PRKN: variants seen among roughly 807,000 people sequenced by gnomAD.
PRKN encodes the protein parkin RBR E3 ubiquitin protein ligase, also known as E3 ubiquitin-protein ligase parkin.
PRKN carries 56 observed loss-of-function variants against 59.5 expected under a neutral mutation model. The observed-to-expected ratio is 0.94, with a 90% CI of 0.76 to 1.18. PRKN has a LOEUF of 1.18. Ranked by LOEUF, PRKN falls within the 50% of genes most tolerant of loss-of-function variation. The pLI is 0.00. For missense variants in PRKN, 657 were observed against 596.4 expected (o/e 1.10, Z -1.06); for synonymous variants, 250 against 222.1 (o/e 1.13, Z -1.12).
Position 161,772,166 on chromosome 6 carries a change from A to AT in PRKN, c.871+13605dup, listed in dbSNP as rs576819684. Among the ~76,000 whole-genome samples the AT allele has an allele frequency of 1.2e-3, 188 of 151,412 alleles. 5 individuals are homozygous for AT. In the South Asian group the frequency reaches 0.037, roughly 30 times the overall value. On this transcript the variant is annotated intron_variant, in intron 7 of 11. Coordinates refer to ENST00000366898, the MANE Select transcript of PRKN (RefSeq NM_004562.3). ...GAACGGAATCTACAGCTAGAACAGT[A>AT]TTTTTTTTTGAACCTGTCTGCACCA...
intron 7 of PRKN, among the ~76,000 whole-genome samples, chr6:161,706,737 T>C (rs1310961807): frequency 6.6e-6 from 1 of 152,150 alleles, no homozygotes; most frequent in African/African-American, 2.4e-5. Context: ...TTTGTATTTT[T>C]AGTAGGGATG....
chr6:162,563,503 C>T (rs1779938220), intron 1 of PRKN, among the ~76,000 whole-genome samples: 1 of 152,056 alleles, frequency 6.6e-6, no homozygotes, highest in Admixed American at 6.6e-5. Context: ...ATCACAATAC[C>T]CAAGTCCTGT....
In PRKN at chr6:161,503,692, AACC is replaced by A. The variant is rs970065584; in HGVS notation, c.1083+45159_1083+45161del. Among the ~76,000 whole-genome samples, 1 of 152,218 alleles carries A rather than the reference AACC, an allele frequency of 6.6e-6. No homozygotes were observed. Among genetic ancestry groups the A allele is most frequent in the African/African-American group, 2.4e-5 (1 of 41,458 alleles). ...GCCTCTATGCTTCTATGAAGGTCAC[AACC>A]AGAAGCAGTCCGGCCTGCAGTTGCT... On this transcript the variant is annotated intron_variant, in intron 9 of 11. Transcript: ENST00000366898. This position sits in a 1 kb window ranked among gnomAD's most constrained non-coding sequence, Gnocchi z 5.1.
At chr6:162,280,966 A>G (rs1356164781) in intron 2 of PRKN, among the ~76,000 whole-genome samples, 1 of 152,134 alleles carries the variant, frequency 6.6e-6, no homozygotes, top group Admixed American at 6.6e-5. Flanking sequence ...GAATGAGATC[A>G]TGTCCTTTGC....
At chr6:161,786,357 T>C (rs1287464210) in intron 6 of PRKN, among the ~76,000 whole-genome samples, 2 of 152,130 alleles carry the variant, frequency 1.3e-5, no homozygotes, top group Non-Finnish European at 2.9e-5. Context: ...GCTATTCCCA[T>C]AGTACCAGGC....
intron 1 of PRKN, among the ~76,000 whole-genome samples, chr6:162,556,342 G>GTTGT (rs1554243354): frequency 1.9e-4 from 11 of 57,298 alleles, no homozygotes; most frequent in East Asian, 7.4e-4. Context: ...CTACTCAGCT[G>GTTGT]GTGTGTGTGT....
chr6:161,709,783 A>G (rs1008737081), intron 7 of PRKN, among the ~76,000 whole-genome samples: 3 of 152,220 alleles, frequency 2.0e-5, no homozygotes, highest in African/African-American at 7.2e-5. Flanking sequence ...AGCATTATAT[A>G]AGAATTCTAT....
intron 7 of PRKN, among the ~76,000 whole-genome samples, chr6:161,726,331 A>G (rs1477757109): frequency 1.3e-5 from 2 of 152,214 alleles, no homozygotes; most frequent in Non-Finnish European, 2.9e-5. Context: ...TTCTATGTAA[A>G]CAGAGTAAAT....
intron 9 of PRKN, among the ~76,000 whole-genome samples, chr6:161,392,658 G>A (rs1321362195): frequency 1.3e-5 from 2 of 151,548 alleles, no homozygotes; most frequent in Admixed American, 6.6e-5. Flanking sequence ...CAATAAACAT[G>A]GTCACCTAAT....
intron 1 of PRKN, among the ~76,000 whole-genome samples, chr6:162,455,357 C>T (rs541160319): frequency 6.6e-6 from 1 of 152,242 alleles, no homozygotes; most frequent in South Asian, 2.1e-4. Flanking sequence ...CATCATTGTG[C>T]AAACATCATG....
intron 8 of PRKN, among the ~76,000 whole-genome samples, chr6:161,553,196 C>A (rs1413493422): frequency 6.6e-6 from 1 of 151,186 alleles, no homozygotes; most frequent in Admixed American, 6.6e-5. Flanking sequence ...TTGAAGAAAG[C>A]AGGACATGTG....
At chr6:162,670,537 C>T (rs571304453) in intron 1 of PRKN, among the ~76,000 whole-genome samples, 12 of 152,264 alleles carry the variant, frequency 7.9e-5, no homozygotes, top group African/African-American at 2.9e-4. Flanking sequence ...TCTATGCTGG[C>T]GCTACTGATT....
rs2115368931 is a variant in PRKN at position 161,525,195 on chromosome 6, G to C, written c.1083+23659C>G. On this transcript the variant is annotated intron_variant, in intron 9 of 11. Transcript: ENST00000366898. The surrounding 1 kb of genome is among the most constrained non-coding windows in gnomAD (Gnocchi z 4.7). Reference sequence around the variant, plus strand: ...GTTCTGTGTGAGATGGACGGGTGAAGCCATAAGGATATATAGTATAAAGCC... The same window carrying C: ...GTTCTGTGTGAGATGGACGGGTGAACCCATAAGGATATATAGTATAAAGCC... 6.6e-6 allele frequency among the ~76,000 whole-genome samples: 1 copy of C among 151,972 alleles called. No homozygotes were observed. The highest frequency in any genetic ancestry group is 2.1e-4 in the South Asian group (1 of 4,804).
chr6:161,983,847 G>A (rs1335433609), intron 5 of PRKN, among the ~76,000 whole-genome samples: 1 of 119,382 alleles, frequency 8.4e-6, no homozygotes, highest in African/African-American at 3.5e-5. Context: ...CACGGCACAT[G>A]TATACATATG....
intron 9 of PRKN, among the ~76,000 whole-genome samples, chr6:161,506,839 T>G (rs1778191830): frequency 6.6e-6 from 1 of 152,226 alleles, no homozygotes; most frequent in African/African-American, 2.4e-5. Flanking sequence ...GCCATTGGTC[T>G]GCAGTACCAA....
chr6:162,246,760 A>G (rs1779215151), intron 3 of PRKN, among the ~76,000 whole-genome samples: 1 of 152,156 alleles, frequency 6.6e-6, no homozygotes, highest in Non-Finnish European at 1.5e-5. Context: ...TACTTCTCAA[A>G]CTATTTTTCA....
chr6:161,903,569 G>C (rs1778017250), intron 6 of PRKN, among the ~76,000 whole-genome samples: 1 of 152,056 alleles, frequency 6.6e-6, no homozygotes. Context: ...ATTATTTGTT[G>C]GGTTGCCAAC....
chr6:161,529,653 G>A lies in PRKN; in HGVS notation c.1083+19201C>T, dbSNP rs1325385261. Among the ~76,000 whole-genome samples the A allele has an allele frequency of 6.6e-6, 1 of 152,178 alleles. No homozygotes were observed. The highest frequency in any genetic ancestry group is 1.5e-5 in the Non-Finnish European group (1 of 68,040). ...ACGGCAACTCAGTTTAAGTGAGGCT[G>A]TTTTGGAAGAAGCTGTCCTACATAT... On this transcript the variant is annotated intron_variant, in intron 9 of 11. Transcript: ENST00000366898. This position sits in a 1 kb window ranked among gnomAD's most constrained non-coding sequence, Gnocchi z 4.4.
intron 4 of PRKN, among the ~76,000 whole-genome samples, chr6:162,105,909 G>C (rs887364185): frequency 6.6e-6 from 1 of 152,188 alleles, no homozygotes; most frequent in Non-Finnish European, 1.5e-5. Context: ...AGTACAGGCT[G>C]AGAAACATTC....
Sources: gnomAD v4.1 joint callset for allele counts (sites outside exome capture counted in the v4.1 genomes callset) on GRCh38, gnomAD v4.1.1 for gene constraint, Gnocchi (gnomAD v3.1) non-coding constraint, MANE v1.5 for transcripts, NCBI Gene and HGNC (gene_info 2026-07-23, HGNC 2026-07-21) for gene names.